DMD: variants seen among roughly 807,000 people sequenced by gnomAD.
DMD encodes mutant dystrophin.
Under a neutral mutation model 330.1 loss-of-function variants are expected in DMD, and 63 were observed. That is an observed-to-expected ratio of 0.19 (90% CI 0.16 to 0.24). The LOEUF (loss-of-function observed/expected upper bound fraction) is 0.24. Among genes scored for constraint, DMD ranks in the 10% least tolerant of loss-of-function variants. The pLI, the probability that DMD is intolerant of heterozygous loss-of-function variation, is 1.00. For missense variants in DMD, 3,344 were observed against 2,684.1 expected (o/e 1.25, Z -5.43); for synonymous variants, 1,223 against 959.8 (o/e 1.27, Z -5.07).
At chrX:32,604,577 T>G (rs1219475492) in intron 12 of DMD, among the ~76,000 whole-genome samples, 2 of 109,625 alleles carry the variant, frequency 1.8e-5, no homozygotes, top group East Asian at 5.8e-4. Flanking sequence ...GAGAAAGAAA[T>G]AAAAGGCATC....
intron 51 of DMD, among the ~76,000 whole-genome samples, chrX:31,772,490 T>C (rs2090400547): frequency 8.9e-6 from 1 of 112,388 alleles, no homozygotes; most frequent in Admixed American, 9.4e-5. Context: ...TCTGTATGTA[T>C]CAGTACATAG....
At chrX:31,938,009 C>T (rs1250969293) in intron 45 of DMD, among the ~76,000 whole-genome samples, 3 of 111,539 alleles carry the variant, frequency 2.7e-5, no homozygotes, top group East Asian at 2.8e-4. Flanking sequence ...GCACGTATTA[C>T]GATGGTGAGA....
intron 61 of DMD, among the ~76,000 whole-genome samples, chrX:31,333,708 T>C (rs2057268837): frequency 9.1e-6 from 1 of 110,473 alleles, no homozygotes; most frequent in Non-Finnish European, 1.9e-5. Flanking sequence ...CGATTTTTTT[T>C]TTCCACAGAC....
At chrX:32,606,039 A>G (rs1279615650) in intron 12 of DMD, among the ~76,000 whole-genome samples, 1 of 110,520 alleles carries the variant, frequency 9.0e-6, no homozygotes, top group African/African-American at 3.3e-5. Flanking sequence ...CAAGCAACCT[A>G]ATTATATGCT....
intron 44 of DMD, among the ~76,000 whole-genome samples, chrX:32,188,125 A>T (rs780499756): frequency 9.0e-6 from 1 of 110,759 alleles, no homozygotes; most frequent in South Asian, 3.7e-4. Flanking sequence ...AATATGATTT[A>T]TTATGCTTAT....
chrX:33,203,502 G>A (rs760812361), intron 1 of DMD, among the ~76,000 whole-genome samples: 2 of 111,533 alleles, frequency 1.8e-5, no homozygotes, highest in Admixed American at 1.9e-4. Flanking sequence ...GAGGAAATTA[G>A]GGGTAAATAG....
chrX:32,793,698 G>C (rs975492421), intron 7 of DMD, among the ~76,000 whole-genome samples: 4 of 111,482 alleles, frequency 3.6e-5, no homozygotes, highest in Non-Finnish European at 1.9e-5. Flanking sequence ...AACCAACCGT[G>C]GATCAAGAAG....
intron 7 of DMD, among the ~76,000 whole-genome samples, chrX:32,735,832 T>A (rs1257963642): frequency 7.2e-5 from 8 of 111,606 alleles, no homozygotes; most frequent in Non-Finnish European, 1.1e-4. Context: ...AACCTAGGCA[T>A]TACCATTCAG....
chrX:33,077,152 T>C (rs1463263829), intron 1 of DMD, among the ~76,000 whole-genome samples: 1 of 111,198 alleles, frequency 9.0e-6, no homozygotes, highest in Non-Finnish European at 1.9e-5. Flanking sequence ...GTCAGAATCT[T>C]GTTGCCTCCA....
rs774139970 is a variant in DMD at position 32,816,553 on chromosome X, G to A, written c.445C>T (p.Arg149Cys). Residue 149 changes from arginine to cysteine, a missense_variant, in exon 6 of 79, where the codon CGT becomes TGT. Coordinates refer to ENST00000357033, the MANE Select transcript of DMD (RefSeq NM_004006.3). ...ILLSWVRQST[R>C]NYPQVNVINF... ...ATTACATTAACCTGTGGATAATTAC[G>A]AGTTGATTGTCGGACCCAGCTCAGG... 3.3e-6 allele frequency: 4 copies of A among 1,211,131 alleles called. No homozygotes were observed. The highest frequency in any genetic ancestry group is 3.0e-5 in the East Asian group (1 of 33,840).
intron 11 of DMD, among the ~76,000 whole-genome samples, chrX:32,638,560 G>A (rs1162513512): frequency 9.0e-6 from 1 of 111,610 alleles, no homozygotes; most frequent in African/African-American, 3.3e-5. Context: ...GATGCTACTG[G>A]TCCTACACCA....
At chrX:31,212,160 A>G (rs866728471) in intron 64 of DMD, among the ~76,000 whole-genome samples, 1,312 of 87,250 alleles carry the variant, frequency 0.015, 23 homozygotes, top group African/African-American at 0.052. Context: ...ATATATATAT[A>G]TATATATGTG....
chrX:31,627,932 AAG>A (rs1443294136), intron 54 of DMD, 70 bp from the exon 55 acceptor site: 1 of 1,029,831 alleles, frequency 9.7e-7, no homozygotes, highest in Non-Finnish European at 1.3e-6. Context: ...ACTCCATAAA[AAG>A]AGAAAGATGG....
intron 1 of DMD, among the ~76,000 whole-genome samples, chrX:33,207,594 T>A (rs1476933302): frequency 1.8e-5 from 2 of 110,743 alleles, no homozygotes; most frequent in East Asian, 5.7e-4. Flanking sequence ...GTGACATAAA[T>A]AGAAAAAACC....
chrX:31,749,255 C>T (rs1198135825), intron 51 of DMD, among the ~76,000 whole-genome samples: 4 of 104,311 alleles, frequency 3.8e-5, no homozygotes, highest in East Asian at 3.2e-4. Flanking sequence ...AACCCGTCAT[C>T]TAGCATTAGG....
intron 59 of DMD, among the ~76,000 whole-genome samples, chrX:31,476,416 T>TAC (rs1237338648): frequency 7.1e-5 from 7 of 98,786 alleles, no homozygotes; most frequent in African/African-American, 2.6e-4. Flanking sequence ...TATATATATA[T>TAC]ATATACACAC....
intron 9 of DMD, among the ~76,000 whole-genome samples, chrX:32,653,064 T>C (rs1051877536): frequency 9.0e-6 from 1 of 111,586 alleles, no homozygotes. Flanking sequence ...ATTAGCCCTT[T>C]GCCAGATGAT....
At chrX:32,887,011 T>C (rs894723801) in intron 2 of DMD, among the ~76,000 whole-genome samples, 15 of 111,843 alleles carry the variant, frequency 1.3e-4, no homozygotes, top group African/African-American at 4.9e-4. Flanking sequence ...ATGGTTAATT[T>C]TGTTTCCTTT....
chrX:32,281,295 G>A (rs1396580107), intron 43 of DMD, among the ~76,000 whole-genome samples: 1 of 111,990 alleles, frequency 8.9e-6, no homozygotes, highest in East Asian at 2.8e-4. Context: ...AAATGTTCAG[G>A]GGTCCATGGT....
Sources: gnomAD v4.1 joint callset for allele counts (sites outside exome capture counted in the v4.1 genomes callset) on GRCh38, gnomAD v4.1.1 for gene constraint, MANE v1.5 for transcripts, NCBI Gene and HGNC (gene_info 2026-07-23, HGNC 2026-07-21) for gene names.